KCNN3: variants seen among roughly 807,000 people sequenced by gnomAD.
The protein encoded by KCNN3 is potassium calcium-activated channel subfamily N member 3.
Under a neutral mutation model 62.9 loss-of-function variants are expected in KCNN3, and 16 were observed. That is an observed-to-expected ratio of 0.25 (90% CI 0.17 to 0.39). The LOEUF (loss-of-function observed/expected upper bound fraction) is 0.39. Among genes scored for constraint, KCNN3 ranks in the 10% least tolerant of loss-of-function variants. The pLI, the probability that KCNN3 is intolerant of heterozygous loss-of-function variation, is 1.00. For missense variants in KCNN3, 599 were observed against 949.4 expected, an observed-to-expected ratio of 0.63 and a Z score of 4.85; for synonymous variants, 370 against 389.2, an observed-to-expected ratio of 0.95 and a Z score of 0.58.
chr1:154,863,601 G>A (rs1383710628), intron 1 of KCNN3, among the ~76,000 whole-genome samples: 1 of 152,134 alleles, frequency 6.6e-6, no homozygotes, highest in East Asian at 1.9e-4. Flanking sequence ...TTCCATCCAG[G>A]CCCCAGATTC....
Position 154,755,564 on chromosome 1 carries a change from AAGAG to A in KCNN3, c.1448+16407_1448+16410del, listed in dbSNP as rs796899396. Among the ~76,000 whole-genome samples the A allele has an allele frequency of 5.2e-4, 53 of 101,922 alleles. 1 individual carries two copies. Among genetic ancestry groups the A allele is most frequent in the South Asian group, 1.2e-3 (3 of 2,538 alleles). 66.9% of individuals were successfully genotyped at this position (101,922 alleles called of 152,430 possible). A position where few individuals can be genotyped will look rare whatever the true frequency, so the allele number is the denominator to read the frequency against. On this transcript the variant is annotated intron_variant, in intron 3 of 7. Transcript: ENST00000271915. The stretch of plus-strand genomic sequence containing the variant: ...AAAGGAAGGAAGGAAGAAAGAAAGA[AAGAG>A]AGAGAGAGAAAGAAAGAAAGAAGGG...
chr1:154,822,625 C>G (rs1202502939), intron 1 of KCNN3, among the ~76,000 whole-genome samples: 2 of 152,222 alleles, frequency 1.3e-5, no homozygotes, highest in Non-Finnish European at 2.9e-5. Flanking sequence ...CTCTTAAACC[C>G]AAACCAGAGG....
At chr1:154,751,147 TG>T (rs1177036279) in intron 3 of KCNN3, among the ~76,000 whole-genome samples, 1 of 152,228 alleles carries the variant, frequency 6.6e-6, no homozygotes, top group Non-Finnish European at 1.5e-5. Context: ...GACCCTTGGC[TG>T]GGAGCTCAGA....
At chr1:154,825,444 C>A (rs1035906841) in intron 1 of KCNN3, among the ~76,000 whole-genome samples, 8 of 148,398 alleles carry the variant, frequency 5.4e-5, no homozygotes, top group Non-Finnish European at 4.4e-5. Flanking sequence ...CAGCTCACTG[C>A]AAGCTCTGCC....
intron 1 of KCNN3, among the ~76,000 whole-genome samples, chr1:154,858,532 A>AC (rs908404012): frequency 3.3e-5 from 5 of 151,970 alleles, no homozygotes; most frequent in Admixed American, 6.6e-5. Flanking sequence ...CTGGGGAGAG[A>AC]CCCCCCTGGA....
At chr1:154,789,176 G>A (rs1342436884) in intron 2 of KCNN3, among the ~76,000 whole-genome samples, 3 of 152,114 alleles carry the variant, frequency 2.0e-5, no homozygotes, top group Non-Finnish European at 4.4e-5. Context: ...TGCCTTCCCT[G>A]CCTCGTAGCC....
At chr1:154,725,148 C>G (rs141444337) in intron 5 of KCNN3, among the ~76,000 whole-genome samples, 4,624 of 152,240 alleles carry the variant, frequency 0.03, 114 homozygotes, top group Middle Eastern at 0.048. Flanking sequence ...GCCGCCGCTC[C>G]CAGCATAGAA....
intron 1 of KCNN3, among the ~76,000 whole-genome samples, chr1:154,840,538 C>G (rs1427548803): frequency 6.6e-6 from 1 of 152,188 alleles, no homozygotes; most frequent in East Asian, 1.9e-4. Flanking sequence ...TTAACTGAAG[C>G]CAATCCTTGT....
chr1:154,864,667 CAGACAGG>C (rs1652886905), intron 1 of KCNN3, among the ~76,000 whole-genome samples: 1 of 152,234 alleles, frequency 6.6e-6, no homozygotes, highest in African/African-American at 2.4e-5. Context: ...ACTGTGGGAG[CAGACAGG>C]GCAGCCTGGA....
At chr1:154,766,321 A>C (rs1250335141) in intron 3 of KCNN3, among the ~76,000 whole-genome samples, 1 of 150,166 alleles carries the variant, frequency 6.7e-6, no homozygotes, top group African/African-American at 2.5e-5. Context: ...CCAATTAAAA[A>C]TTTTTTGAGC....
chr1:154,869,762 T>TGCTGCTGCTGCTGCGGAG lies in KCNN3; in HGVS notation c.202_203insCTCCGCAGCAGCAGCAGC (p.Gln67_Gln68insProProGlnGlnGlnGln), dbSNP rs1558015706. The TGCTGCTGCTGCTGCGGAG allele has an allele frequency of 1.3e-6, 2 of 1,520,972 alleles. No individual in the cohort carries two copies. Among genetic ancestry groups the TGCTGCTGCTGCTGCGGAG allele is most frequent in the Admixed American group, 2.0e-5 (1 of 48,928 alleles). The allele number at this position is 1,520,972 out of a possible 1,614,324, so 94.2% of individuals were successfully genotyped here. ...CTGCTGCTGCTGCTGCTGCTGCTGC[T>TGCTGCTGCTGCTGCGGAG]GCTGAAGCTGCGGAGGCTGAGGCTG... On this transcript the variant is annotated inframe_insertion, in exon 1 of 8. Transcript: ENST00000271915. The surrounding 1 kb of genome is among the most constrained non-coding windows in gnomAD (Gnocchi z 6.1).
At chr1:154,740,854 T>C (rs992437221) in intron 3 of KCNN3, among the ~76,000 whole-genome samples, 1 of 152,264 alleles carries the variant, frequency 6.6e-6, no homozygotes, top group Non-Finnish European at 1.5e-5. Context: ...TCATTGATTC[T>C]AAAAGTTATT....
rs781652495 is a variant in KCNN3, at chr1:154,869,137, C to G, written c.828G>C (p.Leu276=). 9 of 1,614,008 alleles carry G rather than the reference C, an allele frequency of 5.6e-6. No homozygotes were observed. The South Asian group carries it at 9.9e-5, about 18-fold the overall frequency. The change falls in exon 1 of 8, where the codon CTG becomes CTC. Residue 276 remains leucine (L), a synonymous_variant. Transcript: ENST00000271915. This position sits in a 1 kb window ranked among gnomAD's most constrained non-coding sequence, Gnocchi z 6.1. ...CACTCAGTCGCTTTCTCTTTTCAAA[C>G]AGGGCCCTCCTGTGTCCCAGCTTAT... ...IGYKLGHRRA[L]FEKRKRLSDY...
Position 154,703,043 on chromosome 1 carries a change from C to T in KCNN3, c.*4933G>A, listed in dbSNP as rs997264388. 12 of 151,796 alleles carry T rather than the reference C, an allele frequency of 7.9e-5. No homozygotes were observed. The highest frequency in any genetic ancestry group is 1.3e-4 in the Non-Finnish European group (9 of 67,966). The allele number at this position is 151,796 out of a possible 1,614,324, so 9.4% of individuals were successfully genotyped here. ...CACGTTTGGGTGTTTCCAGTAATGG[C>T]GTAAGACAAAAAGATCACAGTTATA... On this transcript the variant is annotated 3_prime_UTR_variant, in exon 8 of 8. Transcript: ENST00000271915.
chr1:154,854,183 C>A (rs1232747661), intron 1 of KCNN3, among the ~76,000 whole-genome samples: 1 of 152,026 alleles, frequency 6.6e-6, no homozygotes, highest in South Asian at 2.1e-4. Flanking sequence ...TGCAGTGAGC[C>A]GAGATTGGGC....
At chr1:154,829,672 G>T (rs1032642092) in intron 1 of KCNN3, among the ~76,000 whole-genome samples, 6 of 152,150 alleles carry the variant, frequency 3.9e-5, no homozygotes, top group Non-Finnish European at 1.5e-5. Flanking sequence ...CCGAGAGCAG[G>T]TGGCTCCTCA....
At chr1:154,729,578 G>A (rs1003109926) in intron 4 of KCNN3, among the ~76,000 whole-genome samples, 3 of 152,148 alleles carry the variant, frequency 2.0e-5, no homozygotes, top group South Asian at 2.1e-4. Context: ...AAGGGGAAAA[G>A]TATGAGGTGT....
At chr1:154,714,311 T>TTGTGTTAGGTG (rs1700166350) in intron 6 of KCNN3, among the ~76,000 whole-genome samples, 1 of 13,814 alleles carries the variant, frequency 7.2e-5, no homozygotes. Context: ...TGTGTGTGGT[T>TTGTGTTAGGTG]TGTGTGAGGT....
Position 154,869,109 on chromosome 1 carries a change from A to G in KCNN3, c.856T>C (p.Tyr286His), listed in dbSNP as rs779459677. 6 of 1,614,022 alleles carry G rather than the reference A, an allele frequency of 3.7e-6. No homozygotes were observed. The highest frequency in any genetic ancestry group is 5.1e-6 in the Non-Finnish European group (6 of 1,180,022). The change falls in exon 1 of 8, where the codon TAT becomes CAT. Residue 286 changes from tyrosine to histidine, a missense_variant. This residue lies in a region of KCNN3 where 288 missense variants were observed against 557.4 expected (regional missense o/e 0.52). Coordinates refer to ENST00000271915, the MANE Select transcript of KCNN3 (RefSeq NM_002249.6). This position sits in a 1 kb window ranked among gnomAD's most constrained non-coding sequence, Gnocchi z 6.1. ...LFEKRKRLSD[Y>H]ALIFGMFGIV... ...CCAAACATCCCAAAAATCAGAGCAT[A>G]GTCACTCAGTCGCTTTCTCTTTTCA...
Sources: allele counts gnomAD v4.1 joint callset (sites outside exome capture counted in the v4.1 genomes callset), GRCh38; gene constraint gnomAD v4.1.1; regional missense constraint gnomAD v4.1.1; non-coding constraint Gnocchi (gnomAD v3.1); transcripts MANE v1.5; gene names NCBI Gene and HGNC (gene_info 2026-07-23, HGNC 2026-07-21).